SGCZ: variants seen among roughly 807,000 people sequenced by gnomAD.
SGCZ encodes sarcoglycan zeta, also known as zeta-sarcoglycan.
A neutral mutation model predicts 41.3 loss-of-function variants in SGCZ; 40 were observed. That is an observed-to-expected ratio of 0.97 (90% CI 0.75 to 1.26). The LOEUF (loss-of-function observed/expected upper bound fraction) is 1.26. SGCZ is among the 50% of genes most tolerant of loss of function. SGCZ has a pLI of 0.00. For synonymous variants in SGCZ, 206 were observed against 137.5 expected (o/e 1.50, Z -3.49); for missense variants, 552 against 369.8 (o/e 1.49, Z -4.04).
At chr8:14,244,224 C>A (rs1179519014) in intron 3 of SGCZ, among the ~76,000 whole-genome samples, 2 of 150,722 alleles carry the variant, frequency 1.3e-5, no homozygotes, top group Non-Finnish European at 1.5e-5. Context: ...CCTTCTTCCT[C>A]CTCCTTCTCT....
intron 2 of SGCZ, among the ~76,000 whole-genome samples, chr8:14,403,781 T>C (rs892486471): frequency 6.6e-6 from 1 of 152,160 alleles, no homozygotes; most frequent in Non-Finnish European, 1.5e-5. Context: ...AAAATATACA[T>C]GCAATATTTA....
At chr8:14,872,808 C>A (rs1053386950) in intron 1 of SGCZ, among the ~76,000 whole-genome samples, 1 of 152,048 alleles carries the variant, frequency 6.6e-6, no homozygotes, top group Non-Finnish European at 1.5e-5. Context: ...TTTTATTCAT[C>A]TTTTTATCTA....
chr8:15,039,181 G>T (rs1803982948), intron 1 of SGCZ, among the ~76,000 whole-genome samples: 1 of 152,106 alleles, frequency 6.6e-6, no homozygotes, highest in African/African-American at 2.4e-5. Flanking sequence ...GAACTCCTAT[G>T]TTCACTCCAG....
At position 14,089,607 on chromosome 8, in the gene SGCZ, A is replaced by G. The variant is rs1359255013; in HGVS notation, c.*836T>C. On this transcript the variant is annotated 3_prime_UTR_variant, in exon 8 of 8. Coordinates refer to ENST00000382080, the MANE Select transcript of SGCZ (RefSeq NM_139167.4). Reference sequence around the variant, plus strand: ...AAAAATCATCTATGGATTTAATACCATCAACATATCCTTCTTAATCCTGTC... The same window carrying G: ...AAAAATCATCTATGGATTTAATACCGTCAACATATCCTTCTTAATCCTGTC... Among the ~76,000 whole-genome samples the G allele has an allele frequency of 6.6e-6, 1 of 152,060 alleles. No homozygotes were observed. Among genetic ancestry groups the G allele is most frequent in the Non-Finnish European group, 1.5e-5 (1 of 67,984 alleles).
At chr8:15,135,908 T>C (rs1331471811) in intron 1 of SGCZ, among the ~76,000 whole-genome samples, 1 of 152,206 alleles carries the variant, frequency 6.6e-6, no homozygotes, top group Non-Finnish European at 1.5e-5. Context: ...CAGGGGCAGT[T>C]GCACAGGCAT....
rs1174741785 is a variant in SGCZ at position 14,237,585 on chromosome 8, C to G, written c.424+7G>C. On this transcript the variant is annotated splice_region_variant and intron_variant, in intron 4 of 7. Coordinates refer to ENST00000382080, the MANE Select transcript of SGCZ (RefSeq NM_139167.4). ...AGTAGGAGCAATCTTTACCCCAAAA[C>G]ACTCACCTATGGTCAGCTGTCCGGT... 1 of 1,612,756 alleles carries G rather than the reference C, an allele frequency of 6.2e-7. No homozygotes were observed. Among genetic ancestry groups the G allele is most frequent in the East Asian group, 2.2e-5 (1 of 44,866 alleles).
chr8:14,306,291 T>C (rs1801351602), intron 3 of SGCZ, among the ~76,000 whole-genome samples: 1 of 152,210 alleles, frequency 6.6e-6, no homozygotes, highest in Non-Finnish European at 1.5e-5. Context: ...TAATCAAAAA[T>C]AGTATTTTAT....
At chr8:14,277,838 C>A (rs150781413) in intron 3 of SGCZ, among the ~76,000 whole-genome samples, 6 of 151,968 alleles carry the variant, frequency 3.9e-5, no homozygotes, top group African/African-American at 1.4e-4. Context: ...AGGTAATTGT[C>A]TTAAAATCCC....
intron 1 of SGCZ, among the ~76,000 whole-genome samples, chr8:14,902,229 C>A (rs1431796430): frequency 6.6e-6 from 1 of 152,096 alleles, no homozygotes; most frequent in African/African-American, 2.4e-5. Flanking sequence ...TCCTTCTCTG[C>A]CTGTGTTCCA....
At chr8:14,825,611 T>A (rs1802277361) in intron 1 of SGCZ, among the ~76,000 whole-genome samples, 2 of 152,170 alleles carry the variant, frequency 1.3e-5, no homozygotes, top group South Asian at 2.1e-4. Context: ...TCAAATTAAT[T>A]AACTCATTCA....
Position 14,329,063 on chromosome 8 carries a change from T to G in SGCZ, c.235-4859A>C, listed in dbSNP as rs1802224424. On this transcript the variant is annotated intron_variant, in intron 2 of 7. Coordinates refer to ENST00000382080, the MANE Select transcript of SGCZ (RefSeq NM_139167.4). ...AAACTGTAAGAAAATATTTTCTGCG[T>G]TTTTTTTTCTTCTAAATTACCTAGT... 5.1e-5 allele frequency among the ~76,000 whole-genome samples: 5 copies of G among 97,874 alleles called. No homozygotes were observed. The South Asian group carries it at 1.0e-3, about 21-fold the overall frequency. The allele number at this position is 97,874 out of a possible 152,430, so 64.2% of individuals were successfully genotyped here.
intron 1 of SGCZ, among the ~76,000 whole-genome samples, chr8:14,611,150 C>G (rs1001049958): frequency 6.6e-6 from 1 of 152,088 alleles, no homozygotes; most frequent in African/African-American, 2.4e-5. Context: ...GAATATATTT[C>G]TCATTTTACA....
chr8:14,983,077 G>C (rs1457665859), intron 1 of SGCZ, among the ~76,000 whole-genome samples: 1 of 152,080 alleles, frequency 6.6e-6, no homozygotes, highest in Admixed American at 6.5e-5. Flanking sequence ...TTGTTCTGGG[G>C]ATTCAATGAG....
intron 4 of SGCZ, among the ~76,000 whole-genome samples, chr8:14,184,558 C>T (rs1392499699): frequency 6.6e-6 from 1 of 152,130 alleles, no homozygotes; most frequent in East Asian, 1.9e-4. Flanking sequence ...AAACACTGTA[C>T]AGAGCTGATA....
Position 14,897,854 on chromosome 8 carries a change from T to C in SGCZ, c.39+339731A>G, listed in dbSNP as rs150939567. ...CATTCTGTGCATAGTTTATACCCTT[T>C]CTACCAATCACTCAGGAAACACTTG... On this transcript the variant is annotated intron_variant, in intron 1 of 7. Coordinates refer to ENST00000382080, the MANE Select transcript of SGCZ (RefSeq NM_139167.4). Among the ~76,000 whole-genome samples, 593 of 152,296 alleles carry C rather than the reference T, an allele frequency of 3.9e-3. 3 individuals carry two copies. The highest frequency in any genetic ancestry group is 0.014 in the African/African-American group (569 of 41,554).
intron 1 of SGCZ, among the ~76,000 whole-genome samples, chr8:15,054,937 G>A (rs1292722997): frequency 6.7e-6 from 1 of 148,174 alleles, no homozygotes; most frequent in Non-Finnish European, 1.5e-5. Context: ...ACTCCAGCCT[G>A]GGCAACAGAG....
chr8:14,940,912 C>T (rs61071537), intron 1 of SGCZ, among the ~76,000 whole-genome samples: 29,793 of 151,694 alleles, frequency 0.2, 3,504 homozygotes, highest in East Asian at 0.34. Flanking sequence ...CAGATTAATA[C>T]GAAAATGGCA....
At chr8:14,829,384 T>C (rs1270533618) in intron 1 of SGCZ, among the ~76,000 whole-genome samples, 1 of 152,216 alleles carries the variant, frequency 6.6e-6, no homozygotes, top group African/African-American at 2.4e-5. Flanking sequence ...CAAAAGTGTC[T>C]TGAACTTGAT....
chr8:14,220,447 G>A (rs1447628422), intron 4 of SGCZ, among the ~76,000 whole-genome samples: 1 of 152,176 alleles, frequency 6.6e-6, no homozygotes, highest in Non-Finnish European at 1.5e-5. Flanking sequence ...GTAGAGTCCT[G>A]AGCTTCTGGG....
Sources: allele counts gnomAD v4.1 joint callset (sites outside exome capture counted in the v4.1 genomes callset), GRCh38; gene constraint gnomAD v4.1.1; transcripts MANE v1.5; gene names NCBI Gene and HGNC (gene_info 2026-07-23, HGNC 2026-07-21).